Variants in OAS1 observed in about 807,000 individuals in gnomAD.
OAS1 encodes the protein 2'-5'-oligoadenylate synthetase 1.
Under a neutral mutation model 38.5 loss-of-function variants are expected in OAS1, and 24 were observed. The ratio of observed to expected loss-of-function variants is 0.62; its 90% CI spans 0.45 to 0.88. The LOEUF (loss-of-function observed/expected upper bound fraction) is 0.88. Among genes scored for constraint, OAS1 ranks in the 40% least tolerant of loss-of-function variants. The pLI is 0.00. For synonymous variants in OAS1, 169 were observed against 193.9 expected, an observed-to-expected ratio of 0.87 and a Z score of 1.07; for missense variants, 482 against 493.9, an observed-to-expected ratio of 0.98 and a Z score of 0.23.
intron 6 of OAS1, among the ~76,000 whole-genome samples, chr12:112,931,507 G>A (rs548275692): frequency 3.9e-5 from 6 of 152,138 alleles, no homozygotes; most frequent in Admixed American, 2.6e-4. Flanking sequence ...TAAAGTGTTC[G>A]GAATGATACC....
intron 4 of OAS1, 93 bp from the exon 5 acceptor site, chr12:112,917,454 C>A: frequency 6.5e-7 from 1 of 1,534,776 alleles, no homozygotes; most frequent in South Asian, 1.2e-5. Flanking sequence ...CCCAGTTCAT[C>A]CCATGCTGCT....
chr12:112,918,015 T>C, intron 5 of OAS1: 3 of 1,056,400 alleles, frequency 2.8e-6, no homozygotes, highest in Admixed American at 3.6e-5. Context: ...TCTCATTAAA[T>C]AGTCACAACA....
chr12:112,917,831 A>G lies in OAS1; in HGVS notation c.1038+131A>G, dbSNP rs147605649. The G allele has an allele frequency of 2.4e-4, 386 of 1,597,312 alleles. 3 individuals are homozygous for G. The Admixed American group carries it at 6.5e-3, about 27-fold the overall frequency. On this transcript the variant is annotated intron_variant, in intron 5 of 5. Transcript: ENST00000202917. ...AGGCCATTTATATTCATATAGTGAC[A>G]GGCTGTGCTCCATATTTTACAGTCA... is the stretch of plus-strand genomic sequence containing the variant.
chr12:112,911,570 A>T (rs1440170663), intron 3 of OAS1, among the ~76,000 whole-genome samples: 1 of 152,204 alleles, frequency 6.6e-6, no homozygotes, highest in Non-Finnish European at 1.5e-5. Flanking sequence ...GCACACACAC[A>T]CAGAGAGAGA....
In OAS1 at chr12:112,908,638, C is replaced by T. The variant is rs201869673; in HGVS notation, c.283C>T (p.Arg95Trp). 11 of 1,614,020 alleles carry T rather than the reference C, an allele frequency of 6.8e-6. No homozygotes were observed. The highest frequency in any genetic ancestry group is 1.7e-5 in the Admixed American group (1 of 60,006). Reference protein sequence around the residue: ...LTTFQDQLNRRGEFIQEIRRQ... With the variant: ...LTTFQDQLNRWGEFIQEIRRQ... ...CACTTTTCAGGATCAGTTAAATCGCCGGGGAGAGTTCATCCAGGAAATTAG... is the reference window on the plus strand; with the variant it reads ...CACTTTTCAGGATCAGTTAAATCGCTGGGGAGAGTTCATCCAGGAAATTAG... Residue 95 changes from arginine to tryptophan, a missense_variant, in exon 2 of 6, where the codon CGG becomes TGG. By Grantham distance (101) the Arg-to-Trp change is moderately radical. Coordinates refer to ENST00000202917, the MANE Select transcript of OAS1 (RefSeq NM_016816.4).
At chr12:112,909,882 C>A (rs1593154400) in intron 2 of OAS1, among the ~76,000 whole-genome samples, 2 of 151,894 alleles carry the variant, frequency 1.3e-5, no homozygotes, top group East Asian at 3.9e-4. Flanking sequence ...GGTCATTAAG[C>A]AGTAATTAGT....
intron 1 of OAS1, among the ~76,000 whole-genome samples, 158 bp from the exon 2 acceptor site, chr12:112,908,378 A>G (rs567737323): frequency 6.6e-6 from 1 of 152,346 alleles, no homozygotes; most frequent in African/African-American, 2.4e-5. Context: ...AATGGCATCC[A>G]AATCATAGCA....
chr12:112,915,301 GGA>G (rs907948920), intron 3 of OAS1, among the ~76,000 whole-genome samples: 37 of 152,110 alleles, frequency 2.4e-4, no homozygotes, highest in Non-Finnish European at 4.0e-4. Flanking sequence ...TTGTATAAGG[GGA>G]GAGAGAAGGA....
At chr12:112,912,842 CCAT>C (rs1216669435) in intron 3 of OAS1, among the ~76,000 whole-genome samples, 1 of 152,240 alleles carries the variant, frequency 6.6e-6, no homozygotes, top group Non-Finnish European at 1.5e-5. Flanking sequence ...CCACTAACCA[CCAT>C]CATCACCACC....
At chr12:112,908,096 A>G (rs1189329716) in intron 1 of OAS1, among the ~76,000 whole-genome samples, 1 of 152,240 alleles carries the variant, frequency 6.6e-6, no homozygotes, top group Non-Finnish European at 1.5e-5. Flanking sequence ...CCGCTCCTCC[A>G]GGGCCCAGCC....
Position 112,918,774 on chromosome 12 carries a change from A to C in OAS1, c.1039-615A>C, listed in dbSNP as rs189609102. ...ACCAATGGGAGACTCTGAGCAGCTGAGTGACTTGGGTTGTCACACAGCTAA... is the reference window on the plus strand; with the variant it reads ...ACCAATGGGAGACTCTGAGCAGCTGCGTGACTTGGGTTGTCACACAGCTAA... On this transcript the variant is annotated intron_variant, in intron 5 of 5. Transcript: ENST00000202917. The C allele has an allele frequency of 5.7e-4, 208 of 363,880 alleles. 2 individuals carry two copies. The East Asian group carries it at 0.011, about 20-fold the overall frequency. The allele number at this position is 363,880 out of a possible 1,614,324, so 22.5% of individuals were successfully genotyped here.
chr12:112,917,855 C>A (rs2043485330), intron 5 of OAS1, 155 bp downstream of exon 5: 2 of 1,544,416 alleles, frequency 1.3e-6, no homozygotes, highest in African/African-American at 1.4e-5. Flanking sequence ...ATTTTACAGT[C>A]ATTTTGGTCA....
Position 112,919,585 on chromosome 12 carries a change from GT to G in OAS1, c.*33del. On this transcript the variant is annotated 3_prime_UTR_variant, in exon 6 of 6. Transcript: ENST00000202917. The stretch of plus-strand genomic sequence containing the variant: ...GTGCATCTTGGGGGAAAGGGCTCCA[GT>G]GTTATCTGGACCAGTTCCTTCATTT... The G allele has an allele frequency of 6.2e-7, 1 of 1,614,210 alleles. No individual in the cohort carries two copies. Among genetic ancestry groups the G allele is most frequent in the Non-Finnish European group, 8.5e-7 (1 of 1,180,032 alleles).
chr12:112,916,963 G>C (rs1008844241), intron 4 of OAS1: 5 of 528,786 alleles, frequency 9.5e-6, no homozygotes, highest in African/African-American at 7.6e-5. Context: ...GTAAACTGAG[G>C]TTCTGAGAGG....
intron 2 of OAS1, 95 bp downstream of exon 2, chr12:112,908,919 T>A (rs1322541250): frequency 3.0e-6 from 4 of 1,337,102 alleles, no homozygotes; most frequent in South Asian, 1.4e-5. Context: ...GGCATCTCTC[T>A]AAAGCAGGGT....
chr12:112,930,557 C>A (rs1490523631), intron 6 of OAS1, among the ~76,000 whole-genome samples: 1 of 152,222 alleles, frequency 6.6e-6, no homozygotes, highest in East Asian at 1.9e-4. Flanking sequence ...AAGTCCCTGC[C>A]TGCCCAAGGC....
rs114963003 is a variant in OAS1 at position 112,925,541 on chromosome 12, C to T, written c.1167+5926C>T. ...CTCCTCTGTCAAATAGGTGTGCATG[C>T]TTTGGGAGGCCAAGGCAGGAGGATT... On this transcript the variant is annotated intron_variant, in intron 6 of 6. Coordinates refer to the OAS1 transcript ENST00000540589. 2.4e-3 allele frequency among the ~76,000 whole-genome samples: 370 copies of T among 152,284 alleles called. 2 individuals are homozygous for T. The highest frequency in any genetic ancestry group is 8.1e-3 in the African/African-American group (337 of 41,546).
chr12:112,924,709 A>G (rs2043548587), downstream of OAS1, among the ~76,000 whole-genome samples: 1 of 152,086 alleles, frequency 6.6e-6, no homozygotes, highest in Admixed American at 6.5e-5. Context: ...TTCAGTGGTG[A>G]TATTTGGCTA....
intron 3 of OAS1, among the ~76,000 whole-genome samples, chr12:112,913,931 AT>A (rs527659618): frequency 9.9e-5 from 15 of 151,304 alleles, no homozygotes; most frequent in Admixed American, 6.6e-4. Context: ...AGAGAGGACT[AT>A]TTTTTTTTAT....
Sources: allele counts gnomAD v4.1 joint callset (sites outside exome capture counted in the v4.1 genomes callset), GRCh38; gene constraint gnomAD v4.1.1; transcripts MANE v1.5; gene names NCBI Gene and HGNC (gene_info 2026-07-23, HGNC 2026-07-21).